The following FOXO3 variants were observed in gnomAD, a reference collection of about 807,000 sequenced individuals.
The protein encoded by FOXO3 is forkhead box O3.
In FOXO3, 4 loss-of-function variants were observed where a neutral mutation model predicts 41.9. That is an observed-to-expected ratio of 0.10 (90% CI 0.05 to 0.22). The LOEUF is 0.22. Ranked by LOEUF, FOXO3 falls within the 10% of genes least tolerant of loss-of-function variation. FOXO3 has a pLI of 1.00. For missense variants in FOXO3, 534 were observed against 906.8 expected (o/e 0.59, Z 5.28); for synonymous variants, 318 against 389.3 (o/e 0.82, Z 2.16).
chr6:108,618,582 C>A (rs1010531214), intron 1 of FOXO3, among the ~76,000 whole-genome samples: 1 of 152,244 alleles, frequency 6.6e-6, no homozygotes, highest in African/African-American at 2.4e-5. Context: ...AGCCCGAGTA[C>A]TTATCTGCCG....
At chr6:108,639,686 A>C (rs147293714) in intron 1 of FOXO3, 1 of 390,312 alleles carries the variant, frequency 2.6e-6, no homozygotes, top group Admixed American at 6.4e-5. Flanking sequence ...AGATACTGCA[A>C]CTACTTACGC....
In FOXO3 at chr6:108,671,046, C is replaced by T. The variant is rs570876526; in HGVS notation, c.*34+6157C>T. ...GGTGGCAGTGGCGATGACAGTTTGT[C>T]GTAGAGCCAAAGACTGCCTTCCTCA... On this transcript the variant is annotated intron_variant, in intron 2 of 2. Coordinates refer to ENST00000406360, the MANE Select transcript of FOXO3 (RefSeq NM_001455.4). Among the ~76,000 whole-genome samples the T allele has an allele frequency of 7.2e-5, 11 of 152,306 alleles. No homozygotes were observed. In the South Asian group the frequency reaches 1.0e-3, roughly 14 times the overall value.
At position 108,573,981 on chromosome 6, in the gene FOXO3, G is replaced by A. The variant is rs563740687; in HGVS notation, c.621+12152G>A. Among the ~76,000 whole-genome samples the A allele has an allele frequency of 2.5e-4, 38 of 151,680 alleles. No homozygotes were observed. In the South Asian group the frequency reaches 5.6e-3, roughly 22 times the overall value. On this transcript the variant is annotated intron_variant, in intron 1 of 2. Transcript: ENST00000406360. ...AGCCTGACCAAGATGGTGAAATCCC[G>A]TCTCTACTAAAAATACAAAAAATTA...
Position 108,645,556 on chromosome 6 carries a change from C to T in FOXO3, c.622-17899C>T, listed in dbSNP as rs545237333. 3.3e-5 allele frequency among the ~76,000 whole-genome samples: 5 copies of T among 151,902 alleles called. No individual in the cohort carries two copies. In the South Asian group the frequency reaches 1.0e-3, roughly 32 times the overall value. On this transcript the variant is annotated intron_variant, in intron 1 of 2. Coordinates refer to ENST00000406360, the MANE Select transcript of FOXO3 (RefSeq NM_001455.4). ...CTCTTAGCTATAAATGTATTAAGTC[C>T]CTATCCTTAATGGCCTCCACATGAG...
intron 1 of FOXO3, among the ~76,000 whole-genome samples, chr6:108,631,486 G>A (rs1777971513): frequency 6.6e-6 from 1 of 152,164 alleles, no homozygotes; most frequent in Admixed American, 6.5e-5. Flanking sequence ...CTAGGAGGTG[G>A]AGGGAGGAAA....
intron 1 of FOXO3, among the ~76,000 whole-genome samples, chr6:108,585,531 T>A (rs781180299): frequency 1.4e-4 from 21 of 152,154 alleles, no homozygotes; most frequent in Non-Finnish European, 2.1e-4. Flanking sequence ...GGAGCCCAAG[T>A]TGGCAGGGAG....
At chr6:108,674,733 A>C (rs974182356) in intron 2 of FOXO3, among the ~76,000 whole-genome samples, 1 of 152,206 alleles carries the variant, frequency 6.6e-6, no homozygotes, top group East Asian at 1.9e-4. Context: ...TCCCAGAAGC[A>C]GTAGTGGGCC....
intron 1 of FOXO3, among the ~76,000 whole-genome samples, chr6:108,637,076 T>G (rs1778139510): frequency 6.6e-6 from 1 of 152,216 alleles, no homozygotes; most frequent in Non-Finnish European, 1.5e-5. Context: ...GTCCTTCATT[T>G]TAGTTTACAA....
rs145768938 is a variant in FOXO3, at chr6:108,627,924, T to A, written c.622-35531T>A. On this transcript the variant is annotated intron_variant, in intron 1 of 2. Coordinates refer to ENST00000406360, the MANE Select transcript of FOXO3 (RefSeq NM_001455.4). ...GTACTTTATAGGGCTGTTGTGAGAA[T>A]TAAATGAGTCAGTATATGCATATTT... Among the ~76,000 whole-genome samples, 58 of 152,282 alleles carry A rather than the reference T, an allele frequency of 3.8e-4. 3 individuals are homozygous for A. In the East Asian group the frequency reaches 0.011, roughly 29 times the overall value.
chr6:108,569,486 C>T (rs1324630644), intron 1 of FOXO3, among the ~76,000 whole-genome samples: 1 of 152,226 alleles, frequency 6.6e-6, no homozygotes, highest in Admixed American at 6.5e-5. Context: ...TCAAGCCAGG[C>T]TTTTCTATAA....
chr6:108,570,931 A>C (rs759774265), intron 1 of FOXO3, among the ~76,000 whole-genome samples: 1 of 152,222 alleles, frequency 6.6e-6, no homozygotes, highest in Non-Finnish European at 1.5e-5. Flanking sequence ...CCCATGATTT[A>C]CTTCCCACTC....
chr6:108,582,701 T>G lies in FOXO3; in HGVS notation c.621+20872T>G, dbSNP rs574854708. On this transcript the variant is annotated intron_variant, in intron 1 of 2. Coordinates refer to ENST00000406360, the MANE Select transcript of FOXO3 (RefSeq NM_001455.4). ...CAGACTTTGAGTATTTTTTCTCTTG[T>G]TTTTGAGTGTGTAGCTGTATATTAA... Among the ~76,000 whole-genome samples, 7 of 152,134 alleles carry G rather than the reference T, an allele frequency of 4.6e-5. No homozygotes were observed. In the South Asian group the frequency reaches 1.5e-3, roughly 32 times the overall value.
chr6:108,638,367 A>G (rs532003975), intron 1 of FOXO3, among the ~76,000 whole-genome samples: 2 of 152,360 alleles, frequency 1.3e-5, no homozygotes, highest in African/African-American at 4.8e-5. Flanking sequence ...TACTAAATAC[A>G]AGGTTTGAAA....
chr6:108,582,530 T>C (rs1349418894), intron 1 of FOXO3, among the ~76,000 whole-genome samples: 1 of 152,208 alleles, frequency 6.6e-6, no homozygotes, highest in East Asian at 1.9e-4. Context: ...AGAAAATAAA[T>C]GAACCATTTG....
intron 1 of FOXO3, among the ~76,000 whole-genome samples, chr6:108,619,499 G>C (rs1582785500): frequency 1.3e-5 from 2 of 152,284 alleles, no homozygotes; most frequent in Admixed American, 6.5e-5. Context: ...TCCTATTCTA[G>C]TTACAGGTTG....
intron 1 of FOXO3, among the ~76,000 whole-genome samples, chr6:108,608,581 C>A (rs911551875): frequency 6.6e-6 from 1 of 152,134 alleles, no homozygotes; most frequent in Non-Finnish European, 1.5e-5. Context: ...TGGCAGAAAC[C>A]AGGAAACCAA....
chr6:108,561,236 C>T lies in FOXO3; in HGVS notation c.28C>T (p.Pro10Ser), dbSNP rs1298438711. Reference sequence around the variant, plus strand: ...GGCAGAGGCACCGGCTTCCCCGGCCCCGCTCTCTCCGCTCGAAGTGGAGCT... The same window carrying T: ...GGCAGAGGCACCGGCTTCCCCGGCCTCGCTCTCTCCGCTCGAAGTGGAGCT... Reference protein sequence around the residue: MAEAPASPAPLSPLEVELDP... With the variant: MAEAPASPASLSPLEVELDP... The change falls in exon 1 of 3, where the codon CCG becomes TCG. Residue 10 changes from proline (P) to serine (S), a missense_variant. Physicochemically the swap from Pro to Ser is moderately conservative, Grantham distance 74. Transcript: ENST00000406360. 1.3e-6 allele frequency: 2 copies of T among 1,561,512 alleles called. No homozygotes were observed. The highest frequency in any genetic ancestry group is 2.4e-5 in the East Asian group (1 of 41,592).
intron 2 of FOXO3, among the ~76,000 whole-genome samples, chr6:108,677,779 A>G (rs909739461): frequency 5.3e-5 from 8 of 152,190 alleles, no homozygotes; most frequent in African/African-American, 1.9e-4. Flanking sequence ...AGGGCAAGGT[A>G]GAGTAGTTAG....
At chr6:108,616,158 T>TTTTTTTTTTTG (rs1777502637) in intron 1 of FOXO3, among the ~76,000 whole-genome samples, 1 of 24,630 alleles carries the variant, frequency 4.1e-5, no homozygotes, top group Non-Finnish European at 1.4e-4. Context: ...CAACTAAGGT[T>TTTTTTTTTTTG]TTTTTTTTTT....
Sources: gnomAD v4.1 joint callset for allele counts (sites outside exome capture counted in the v4.1 genomes callset) on GRCh38, gnomAD v4.1.1 for gene constraint, MANE v1.5 for transcripts, NCBI Gene and HGNC (gene_info 2026-07-23, HGNC 2026-07-21) for gene names.